Variants in PDS5A observed in about 807,000 individuals in gnomAD.
The protein encoded by PDS5A is sister chromatid cohesion protein PDS5 homolog A.
PDS5A carries 42 observed loss-of-function variants against 167.1 expected under a neutral mutation model. The ratio of observed to expected loss-of-function variants is 0.25; its 90% CI spans 0.20 to 0.33. The LOEUF (loss-of-function observed/expected upper bound fraction) is 0.33. Ranked by LOEUF, PDS5A falls within the 10% of genes least tolerant of loss-of-function variation. PDS5A has a pLI of 1.00. For synonymous variants in PDS5A, 553 were observed against 554.6 expected (o/e 1.00, Z 0.04); for missense variants, 1,033 against 1,605.9 (o/e 0.64, Z 6.10).
chr4:39,915,343 ATTTTTTTTTT>A (rs3070904), intron 8 of PDS5A, among the ~76,000 whole-genome samples: 2 of 88,728 alleles, frequency 2.3e-5, no homozygotes, highest in Non-Finnish European at 4.1e-5. Flanking sequence ...AACCGGCCTG[ATTTTTTTTTT>A]TTTTTTTTTT....
chr4:39,908,292 A>G, intron 11 of PDS5A, 103 bp downstream of exon 11: 1 of 892,120 alleles, frequency 1.1e-6, no homozygotes, highest in East Asian at 2.4e-5. Context: ...TATTAATTTG[A>G]TTTTCACACA....
rs1720790093 is a variant in PDS5A, at chr4:39,879,840, AAAG to A, written c.1887-10_1887-8del. ...CATCAATTTCACTAGTGCACTATAA[AAAG>A]AAGAAAATATAAATCAGTAACCACT... On this transcript the variant is annotated splice_polypyrimidine_tract_variant and splice_region_variant and intron_variant, in intron 17 of 32. Coordinates refer to ENST00000303538, the MANE Select transcript of PDS5A (RefSeq NM_001100399.2). 2.0e-6 allele frequency: 3 copies of A among 1,525,494 alleles called. No homozygotes were observed. Among genetic ancestry groups the A allele is most frequent in the Non-Finnish European group, 2.7e-6 (3 of 1,099,956 alleles). 94.5% of individuals were successfully genotyped at this position (1,525,494 alleles called of 1,614,324 possible). A position where few individuals can be genotyped will look rare whatever the true frequency, so the allele number is the denominator to read the frequency against.
chr4:39,851,578 A>T (rs1431444776), intron 26 of PDS5A, among the ~76,000 whole-genome samples: 1 of 151,866 alleles, frequency 6.6e-6, no homozygotes, highest in Non-Finnish European at 1.5e-5. Flanking sequence ...GTAAGCTACC[A>T]CTCCTGGCTA....
At chr4:39,910,129 A>T (rs1723766051) in intron 10 of PDS5A, 115 bp downstream of exon 10, 1 of 527,400 alleles carries the variant, frequency 1.9e-6, no homozygotes, top group Non-Finnish European at 3.4e-6. Flanking sequence ...ACAAATGAAA[A>T]CACGAGACCA....
At chr4:39,912,002 A>C (rs577640101) in intron 9 of PDS5A, among the ~76,000 whole-genome samples, 3 of 152,314 alleles carry the variant, frequency 2.0e-5, no homozygotes, top group Non-Finnish European at 4.4e-5. Flanking sequence ...AAAAAAACCA[A>C]GTAAACAAAA....
At chr4:39,874,660 T>C (rs1156596397) in intron 19 of PDS5A, among the ~76,000 whole-genome samples, 2 of 152,298 alleles carry the variant, frequency 1.3e-5, no homozygotes, top group Admixed American at 6.5e-5. Flanking sequence ...CTCACAAATA[T>C]GCAAAATAAC....
chr4:39,906,911 C>A, intron 11 of PDS5A, among the ~76,000 whole-genome samples: 2 of 97,312 alleles, frequency 2.1e-5, no homozygotes, highest in Non-Finnish European at 3.9e-5. Context: ...TTTGAGATTT[C>A]TTACATAAAA....
chr4:39,885,653 G>A (rs942848225), intron 17 of PDS5A, among the ~76,000 whole-genome samples: 1 of 152,070 alleles, frequency 6.6e-6, no homozygotes, highest in East Asian at 1.9e-4. Flanking sequence ...AGTGGCTCAC[G>A]CCTGTAATCC....
intron 8 of PDS5A, among the ~76,000 whole-genome samples, chr4:39,916,152 C>T (rs912316595): frequency 7.3e-5 from 11 of 151,432 alleles, no homozygotes; most frequent in South Asian, 2.1e-4. Flanking sequence ...CAAGAAAAGC[C>T]GGGCACTCCA....
At chr4:39,942,668 C>A (rs1434912216) in intron 2 of PDS5A, among the ~76,000 whole-genome samples, 3 of 152,144 alleles carry the variant, frequency 2.0e-5, no homozygotes, top group Non-Finnish European at 4.4e-5. Context: ...TCAAGCGATA[C>A]ACCTGCCGAG....
At chr4:39,840,181 T>C (rs1044460783) in intron 31 of PDS5A, among the ~76,000 whole-genome samples, 1 of 151,924 alleles carries the variant, frequency 6.6e-6, no homozygotes, top group African/African-American at 2.4e-5. Context: ...AGTCAACACT[T>C]AGCCAGTGAG....
chr4:39,955,408 C>T (rs1728829202), intron 2 of PDS5A, among the ~76,000 whole-genome samples: 1 of 152,006 alleles, frequency 6.6e-6, no homozygotes, highest in African/African-American at 2.4e-5. Flanking sequence ...TCGAGACCAG[C>T]CTGACCAACA....
intron 2 of PDS5A, among the ~76,000 whole-genome samples, chr4:39,962,501 T>C (rs1003191039): frequency 2.6e-5 from 4 of 152,074 alleles, no homozygotes; most frequent in Admixed American, 6.6e-5. Flanking sequence ...TTAGCTTATT[T>C]GACTGCAAAT....
intron 8 of PDS5A, among the ~76,000 whole-genome samples, chr4:39,914,162 G>GTTTTT (rs34732453): frequency 9.4e-5 from 6 of 64,108 alleles, no homozygotes; most frequent in African/African-American, 1.2e-4. Flanking sequence ...ATACAAATTT[G>GTTTTT]TTTTTTTTTT....
rs927800937 is a variant in PDS5A at position 39,837,979 on chromosome 4, C to T, written c.3887G>A (p.Arg1296Lys). 6.2e-7 allele frequency: 1 copy of T among 1,613,886 alleles called. No homozygotes were observed. Among genetic ancestry groups the T allele is most frequent in the Non-Finnish European group, 8.5e-7 (1 of 1,179,898 alleles). The change falls in exon 32 of 33, where the codon AGG (arginine) becomes AAG (lysine). Residue 1296 changes from arginine to lysine, a missense_variant. Transcript: ENST00000303538. ...DDLNKPINKG[R>K]KRAAVGQESP... is the part of the protein sequence containing the mutation. ...CTCCTGACCCACTGCAGCTCTCTTC[C>T]TTCCCTTGTTAATAGGTTTATTTAG...
rs61731027 is a variant in PDS5A, at chr4:39,879,833, A to G, written c.1887T>C (p.Ser629=). 2.2e-4 allele frequency: 345 copies of G among 1,571,518 alleles called. No homozygotes were observed. The African/African-American group carries it at 4.1e-3, about 19-fold the overall frequency. Residue 629 remains serine (S), a splice_region_variant and synonymous_variant, in exon 18 of 33, where the codon AGT becomes AGC. Coordinates refer to ENST00000303538, the MANE Select transcript of PDS5A (RefSeq NM_001100399.2). ...APVHIDSEAI[S]ALVKLMNKSI... Reference sequence around the variant, plus strand: ...ACTTATTCATCAATTTCACTAGTGCACTATAAAAAGAAGAAAATATAAATC... The same window carrying G: ...ACTTATTCATCAATTTCACTAGTGCGCTATAAAAAGAAGAAAATATAAATC...
Position 39,824,958 on chromosome 4 carries a change from A to C in PDS5A, c.*527T>G, listed in dbSNP as rs1715160944. ...GGCAGGCAGAAAGAATTATACATAA[A>C]AGTTTCCAAAAGGAAAAACAAAGAA... On this transcript the variant is annotated 3_prime_UTR_variant, in exon 33 of 33. Coordinates refer to ENST00000303538, the MANE Select transcript of PDS5A (RefSeq NM_001100399.2). 6.6e-6 allele frequency: 1 copy of C among 152,648 alleles called. No homozygotes were observed. The highest frequency in any genetic ancestry group is 2.1e-4 in the South Asian group (1 of 4,832). The allele number at this position is 152,648 out of a possible 1,614,324, so 9.5% of individuals were successfully genotyped here.
intron 9 of PDS5A, among the ~76,000 whole-genome samples, chr4:39,912,221 T>C (rs1027623777): frequency 1.3e-5 from 2 of 152,232 alleles, no homozygotes; most frequent in African/African-American, 4.8e-5. Flanking sequence ...GTGACTTGTT[T>C]CTATGAATCA....
At chr4:39,897,650 T>TGGACTCC (rs1481076326) in intron 16 of PDS5A, among the ~76,000 whole-genome samples, 4 of 152,118 alleles carry the variant, frequency 2.6e-5, no homozygotes, top group African/African-American at 7.2e-5. Flanking sequence ...CCACACGCCT[T>TGGACTCC]GGACTCCCAA....
Sources: allele counts gnomAD v4.1 joint callset (sites outside exome capture counted in the v4.1 genomes callset), GRCh38; gene constraint gnomAD v4.1.1; transcripts MANE v1.5; gene names NCBI Gene and HGNC (gene_info 2026-07-23, HGNC 2026-07-21).